Variants in ST7 observed in about 807,000 individuals in gnomAD.
ST7 encodes suppression of tumorigenicity 7, also known as suppressor of tumorigenicity 7 protein.
ST7 carries 28 observed loss-of-function variants against 78.7 expected under a neutral mutation model. The observed-to-expected ratio is 0.36, with a 90% CI of 0.26 to 0.49. ST7 has a LOEUF of 0.49. ST7 is among the 20% of genes least tolerant of loss of function. ST7 has a pLI of 0.99. For synonymous variants in ST7, 247 were observed against 249.6 expected (o/e 0.99, Z 0.10); for missense variants, 418 against 696.0 (o/e 0.60, Z 4.49).
intron 1 of ST7, among the ~76,000 whole-genome samples, chr7:117,060,475 A>G (rs1319935741): frequency 1.3e-5 from 2 of 152,212 alleles, no homozygotes; most frequent in African/African-American, 4.8e-5. Context: ...AGTCATTACA[A>G]TGAAAAATAT....
At chr7:117,205,528 A>G (rs1791667948) in intron 12 of ST7, among the ~76,000 whole-genome samples, 1 of 152,208 alleles carries the variant, frequency 6.6e-6, no homozygotes, top group Non-Finnish European at 1.5e-5. Flanking sequence ...CTATGGGATC[A>G]TTTTCATTCA....
At chr7:117,046,252 C>T (rs764353946) in intron 1 of ST7, among the ~76,000 whole-genome samples, 13 of 152,074 alleles carry the variant, frequency 8.5e-5, no homozygotes, top group Admixed American at 1.3e-4. Flanking sequence ...GCATATAAGA[C>T]GCTTCCCTGT....
intron 2 of ST7, among the ~76,000 whole-genome samples, chr7:117,109,293 T>C (rs1802225898): frequency 6.6e-6 from 1 of 151,982 alleles, no homozygotes; most frequent in African/African-American, 2.4e-5. Context: ...TTTGAAGAGA[T>C]GAATAAAATT....
chr7:117,105,123 A>G (rs931440135), intron 2 of ST7, among the ~76,000 whole-genome samples: 1 of 152,208 alleles, frequency 6.6e-6, no homozygotes, highest in Non-Finnish European at 1.5e-5. Context: ...ATGTTCCACA[A>G]TGGAATGTTT....
chr7:117,033,979 G>A (rs776923273), intron 1 of ST7, among the ~76,000 whole-genome samples: 15 of 152,020 alleles, frequency 9.9e-5, no homozygotes, highest in Admixed American at 5.2e-4. Flanking sequence ...GCCTCACTCT[G>A]CACCCAGGCT....
At chr7:117,189,193 T>G in intron 10 of ST7, 128 bp from the exon 11 acceptor site, 1 of 537,520 alleles carries the variant, frequency 1.9e-6, no homozygotes, top group Admixed American at 3.5e-5. Flanking sequence ...TTGTGTAATG[T>G]CTGTATTAAA....
chr7:117,165,155 G>A (rs576785938), intron 9 of ST7, among the ~76,000 whole-genome samples: 75 of 152,322 alleles, frequency 4.9e-4, no homozygotes, highest in African/African-American at 1.7e-3. Flanking sequence ...AGACAGGAGA[G>A]GCCGGAGGAA....
chr7:117,162,242 C>T (rs954430728), intron 9 of ST7, among the ~76,000 whole-genome samples: 1 of 151,944 alleles, frequency 6.6e-6, no homozygotes, highest in African/African-American at 2.4e-5. Flanking sequence ...ACTCTGTGTC[C>T]TGATGCCTAG....
At chr7:117,132,374 A>T (rs1033161572) in intron 6 of ST7, among the ~76,000 whole-genome samples, 13 of 151,994 alleles carry the variant, frequency 8.6e-5, no homozygotes, top group Admixed American at 5.3e-4. Context: ...TAAAAAAAAA[A>T]TTTTAGAAAA....
intron 1 of ST7, among the ~76,000 whole-genome samples, chr7:117,091,518 G>A (rs908782899): frequency 2.6e-5 from 4 of 152,110 alleles, no homozygotes; most frequent in Non-Finnish European, 4.4e-5. Flanking sequence ...ACAGTTACAT[G>A]CCAGCATGTG....
At chr7:117,025,926 G>A (rs1258861071) in intron 1 of ST7, among the ~76,000 whole-genome samples, 1 of 151,992 alleles carries the variant, frequency 6.6e-6, no homozygotes, top group African/African-American at 2.4e-5. Context: ...ATATGCAATG[G>A]TTATTTTTAA....
At chr7:117,199,109 A>C (rs1372943149) in intron 12 of ST7, 1 of 152,070 alleles carries the variant, frequency 6.6e-6, no homozygotes, top group Non-Finnish European at 1.5e-5. Flanking sequence ...TGTTGGAGTC[A>C]TCTCCACTGC....
At chr7:117,122,283 A>G (rs943353136) in intron 3 of ST7, among the ~76,000 whole-genome samples, 1 of 152,216 alleles carries the variant, frequency 6.6e-6, no homozygotes, top group Non-Finnish European at 1.5e-5. Flanking sequence ...ATGCTGTGCT[A>G]AGGAATCTGG....
chr7:117,106,312 C>T (rs1030949680), intron 2 of ST7, among the ~76,000 whole-genome samples: 2 of 152,162 alleles, frequency 1.3e-5, no homozygotes, highest in East Asian at 1.9e-4. Context: ...AATGTTTTGT[C>T]TAAGCTCATG....
intron 1 of ST7, among the ~76,000 whole-genome samples, chr7:116,981,801 A>G (rs1793972866): frequency 6.6e-6 from 1 of 152,216 alleles, no homozygotes; most frequent in African/African-American, 2.4e-5. Flanking sequence ...ATAAACCAGG[A>G]ATATAGTCAT....
chr7:117,196,484 C>T (rs913263417), intron 12 of ST7, among the ~76,000 whole-genome samples: 2 of 151,952 alleles, frequency 1.3e-5, no homozygotes, highest in Admixed American at 6.5e-5. Flanking sequence ...AATTTTTTTG[C>T]GGTTTTGATT....
chr7:117,114,446 A>G (rs1265996159), intron 2 of ST7, among the ~76,000 whole-genome samples: 1 of 151,336 alleles, frequency 6.6e-6, no homozygotes, highest in Admixed American at 6.6e-5. Flanking sequence ...ATTTTTGAAG[A>G]CTTGGAGCAG....
intron 12 of ST7, among the ~76,000 whole-genome samples, chr7:117,207,149 ATTT>A (rs34923443): frequency 6.9e-6 from 1 of 144,602 alleles, no homozygotes; most frequent in Admixed American, 6.8e-5. Flanking sequence ...GTTTCTTTTC[ATTT>A]TTTTTTTTTT....
rs574183901 is a variant in ST7 at position 117,134,048 on chromosome 7, C to T, written c.642-76C>T. ...TCCCCTCTTTGATTACCCTGAACTC[C>T]GAAATGACATAGTGACTCTCTCTGA... is the stretch of plus-strand genomic sequence containing the variant. On this transcript the variant is annotated intron_variant, in intron 6 of 15. Coordinates refer to ENST00000323984, the MANE Select transcript of ST7 (RefSeq NM_001369598.1). 266 of 1,576,164 alleles carry T rather than the reference C, an allele frequency of 1.7e-4. 2 individuals are homozygous for T. In the African/African-American group the frequency reaches 2.7e-3, roughly 16 times the overall value.
Sources: gnomAD v4.1 joint callset for allele counts (sites outside exome capture counted in the v4.1 genomes callset) on GRCh38, gnomAD v4.1.1 for gene constraint, MANE v1.5 for transcripts, NCBI Gene and HGNC (gene_info 2026-07-23, HGNC 2026-07-21) for gene names.